MAGI2: variants seen among roughly 807,000 people sequenced by gnomAD.
MAGI2 encodes membrane associated guanylate kinase, WW and PDZ domain containing 2, also known as membrane-associated guanylate kinase, WW and PDZ domain-containing protein 2.
In MAGI2, 35 loss-of-function variants were observed where a neutral mutation model predicts 133.3. The observed-to-expected ratio is 0.26, with a 90% CI of 0.20 to 0.35. The LOEUF (loss-of-function observed/expected upper bound fraction) is 0.35. Ranked by LOEUF, MAGI2 falls within the 10% of genes least tolerant of loss-of-function variation. MAGI2 has a pLI of 1.00. For missense variants in MAGI2, 1,636 were observed against 1,863.4 expected (o/e 0.88, Z 2.25); for synonymous variants, 729 against 710.6 (o/e 1.03, Z -0.41).
intron 2 of MAGI2, among the ~76,000 whole-genome samples, chr7:78,870,692 T>A (rs902063787): frequency 5.3e-5 from 8 of 152,186 alleles, no homozygotes; most frequent in African/African-American, 1.9e-4. Context: ...GCAATCACTC[T>A]ACTGGGTATC....
intron 13 of MAGI2, among the ~76,000 whole-genome samples, chr7:78,183,268 A>ATTTTTTTTTT (rs35853118): frequency 1.5e-5 from 2 of 137,434 alleles, no homozygotes; most frequent in Admixed American, 7.4e-5. Context: ...GTATTTTTGT[A>ATTTTTTTTTT]TTTTTTTTTT....
chr7:79,075,825 A>C lies in MAGI2; in HGVS notation c.302-68619T>G, dbSNP rs1815414075. Among the ~76,000 whole-genome samples, 4 of 152,316 alleles carry C rather than the reference A, an allele frequency of 2.6e-5. 1 individual carries two copies. The South Asian group carries it at 8.3e-4, about 32-fold the overall frequency. ...AATAAAAAGGAGTTTCAGGGAAAAC[A>C]CAACTATTTCTAAAACAGGAAGGGA... is the stretch of plus-strand genomic sequence containing the variant. On this transcript the variant is annotated intron_variant, in intron 1 of 21. Transcript: ENST00000354212.
chr7:79,329,810 C>T (rs1362627165), intron 1 of MAGI2, among the ~76,000 whole-genome samples: 1 of 152,120 alleles, frequency 6.6e-6, no homozygotes, highest in Non-Finnish European at 1.5e-5. Flanking sequence ...AGTTTTTAAG[C>T]ATTGAAAGCT....
chr7:78,355,855 A>G (rs1792022902), intron 7 of MAGI2, among the ~76,000 whole-genome samples: 1 of 152,238 alleles, frequency 6.6e-6, no homozygotes, highest in South Asian at 2.1e-4. Flanking sequence ...ATACAGATAT[A>G]TTAAATATAT....
chr7:78,894,543 T>G lies in MAGI2; in HGVS notation c.418+112547A>C, dbSNP rs149488670. Reference sequence around the variant, plus strand: ...TTTATCTGTAAAACTGATGTCAAAGTTTATAAGAATGATTAATGGTAACAC... The same window carrying G: ...TTTATCTGTAAAACTGATGTCAAAGGTTATAAGAATGATTAATGGTAACAC... On this transcript the variant is annotated intron_variant, in intron 2 of 21. Transcript: ENST00000354212. Among the ~76,000 whole-genome samples, 377 of 152,346 alleles carry G rather than the reference T, an allele frequency of 2.5e-3. 1 individual carries two copies. Among genetic ancestry groups the G allele is most frequent in the African/African-American group, 8.6e-3 (359 of 41,580 alleles).
chr7:78,354,425 C>T (rs369853889), intron 7 of MAGI2, among the ~76,000 whole-genome samples: 46 of 152,260 alleles, frequency 3.0e-4, no homozygotes, highest in African/African-American at 1.1e-3. Flanking sequence ...ACCAAGGACA[C>T]TCAGAATACC....
At chr7:78,666,793 G>A (rs1813639029) in intron 2 of MAGI2, among the ~76,000 whole-genome samples, 1 of 152,192 alleles carries the variant, frequency 6.6e-6, no homozygotes, top group African/African-American at 2.4e-5. Context: ...CAGATTCAAA[G>A]GTAGCGAATG....
At chr7:78,195,391 C>T (rs1052850039) in intron 11 of MAGI2, among the ~76,000 whole-genome samples, 20 of 152,102 alleles carry the variant, frequency 1.3e-4, no homozygotes, top group Non-Finnish European at 2.6e-4. Flanking sequence ...TGTCTCAAGA[C>T]GATTCATGTG....
chr7:79,128,597 T>C (rs1021967585), intron 1 of MAGI2, among the ~76,000 whole-genome samples: 15 of 152,174 alleles, frequency 9.9e-5, no homozygotes, highest in African/African-American at 3.6e-4. Flanking sequence ...GCTGAAATAG[T>C]ACCTTGTTTT....
At chr7:78,216,529 C>A (rs1441190894) in intron 10 of MAGI2, among the ~76,000 whole-genome samples, 1 of 152,220 alleles carries the variant, frequency 6.6e-6, no homozygotes, top group Non-Finnish European at 1.5e-5. Flanking sequence ...TGGTGCTCAG[C>A]TCCTATGTGC....
chr7:79,378,262 A>G (rs2129140128), intron 1 of MAGI2, among the ~76,000 whole-genome samples: 1 of 152,020 alleles, frequency 6.6e-6, no homozygotes, highest in East Asian at 1.9e-4. Flanking sequence ...ACAAGTTTCA[A>G]TAATATCAAG....
At chr7:78,283,947 G>A (rs1329707422) in intron 9 of MAGI2, among the ~76,000 whole-genome samples, 1 of 152,082 alleles carries the variant, frequency 6.6e-6, no homozygotes, top group Admixed American at 6.6e-5. Context: ...TTTTCTGCAT[G>A]TTAAAACTCA....
At chr7:79,385,232 G>C (rs1381622203) in intron 1 of MAGI2, among the ~76,000 whole-genome samples, 1 of 151,798 alleles carries the variant, frequency 6.6e-6, no homozygotes, top group Non-Finnish European at 1.5e-5. Flanking sequence ...TCATGTGCAA[G>C]CTCGCATAAA....
At chr7:78,361,189 T>A (rs544299996) in intron 7 of MAGI2, among the ~76,000 whole-genome samples, 12 of 150,478 alleles carry the variant, frequency 8.0e-5, no homozygotes, top group African/African-American at 2.7e-4. Context: ...AGGTCAGGAG[T>A]TCAAGACCAG....
At chr7:79,058,274 T>G (rs1422500499) in intron 1 of MAGI2, among the ~76,000 whole-genome samples, 1 of 152,188 alleles carries the variant, frequency 6.6e-6, no homozygotes, top group African/African-American at 2.4e-5. Context: ...ACCTTAATAA[T>G]GTTGCTCTCA....
intron 1 of MAGI2, among the ~76,000 whole-genome samples, chr7:79,155,260 A>ATTTAATATGATC (rs1562946954): frequency 1.3e-5 from 2 of 151,718 alleles, no homozygotes. Context: ...TGAATAATCA[A>ATTTAATATGATC]TTTCACTTAT....
At chr7:78,501,544 T>C in intron 5 of MAGI2, 33 bp downstream of exon 5, 1 of 1,589,092 alleles carries the variant, frequency 6.3e-7, no homozygotes, top group Non-Finnish European at 8.6e-7. Context: ...TATGACCTTT[T>C]TGGCACTGTT....
At chr7:78,422,718 T>G (rs141441200) in intron 6 of MAGI2, among the ~76,000 whole-genome samples, 4 of 152,256 alleles carry the variant, frequency 2.6e-5, no homozygotes, top group African/African-American at 7.2e-5. Flanking sequence ...TAAAAACCAA[T>G]GTCAGTTTGA....
chr7:79,255,670 A>T (rs1833629942), intron 1 of MAGI2, among the ~76,000 whole-genome samples: 2 of 152,152 alleles, frequency 1.3e-5, no homozygotes, highest in Non-Finnish European at 1.5e-5. Flanking sequence ...CAGGTGTGGA[A>T]ATCGAAGAAT....
Sources: gnomAD v4.1 joint callset for allele counts (sites outside exome capture counted in the v4.1 genomes callset) on GRCh38, gnomAD v4.1.1 for gene constraint, MANE v1.5 for transcripts, NCBI Gene and HGNC (gene_info 2026-07-23, HGNC 2026-07-21) for gene names.